FBXL17: variants seen among roughly 807,000 people sequenced by gnomAD.
FBXL17 encodes F-box and leucine rich repeat protein 17.
A neutral mutation model predicts 66.2 loss-of-function variants in FBXL17; 22 were observed. The observed-to-expected ratio is 0.33, with a 90% CI of 0.24 to 0.47. The LOEUF is 0.47. FBXL17 is among the 20% of genes least tolerant of loss of function. The probability of loss-of-function intolerance (pLI) is 1.00; values close to 1 mark genes in which losing one functional copy is unlikely to be tolerated. For missense variants in FBXL17, 878 were observed against 948.2 expected, an observed-to-expected ratio of 0.93 and a Z score of 0.97; for synonymous variants, 474 against 400.5, an observed-to-expected ratio of 1.18 and a Z score of -2.19.
At chr5:107,996,464 G>A (rs6596766) in intron 7 of FBXL17, among the ~76,000 whole-genome samples, 45,263 of 151,830 alleles carry the variant, frequency 0.3, 9,700 homozygotes, top group African/African-American at 0.6. Context: ...ACAGGTGTGC[G>A]CCACCATGTC....
At chr5:108,259,524 T>G (rs537218821) in intron 4 of FBXL17, among the ~76,000 whole-genome samples, 1 of 152,260 alleles carries the variant, frequency 6.6e-6, no homozygotes, top group East Asian at 1.9e-4. Flanking sequence ...ACTTAACCTC[T>G]CTTAGCCTTT....
At chr5:108,009,796 C>T (rs1013570125) in intron 7 of FBXL17, among the ~76,000 whole-genome samples, 1 of 152,050 alleles carries the variant, frequency 6.6e-6, no homozygotes, top group Admixed American at 6.6e-5. Flanking sequence ...TAATATCTAT[C>T]CTACAGTGAA....
chr5:107,923,189 C>G (rs1010699818), intron 7 of FBXL17, among the ~76,000 whole-genome samples: 7 of 152,188 alleles, frequency 4.6e-5, no homozygotes, highest in African/African-American at 1.7e-4. Flanking sequence ...TGAAATAGTA[C>G]TGGGCCATGG....
intron 6 of FBXL17, among the ~76,000 whole-genome samples, chr5:108,057,926 C>G (rs937534181): frequency 5.3e-5 from 8 of 152,134 alleles, no homozygotes; most frequent in Admixed American, 3.3e-4. Context: ...TAAAAAACAC[C>G]ACGTGAGGTG....
rs1473837339 is a variant in FBXL17, at chr5:108,381,761, G to A, written c.-70C>T. ...CCCAGAGAGGCGGGCTCCCGGCAGC[G>A]GGGCAGGCCGCTCGCTGGCTCGGCC... On this transcript the variant is annotated 5_prime_UTR_variant, in exon 1 of 9. Coordinates refer to ENST00000542267, the MANE Select transcript of FBXL17 (RefSeq NM_001163315.3). 2 of 1,370,800 alleles carry A rather than the reference G, an allele frequency of 1.5e-6. No homozygotes were observed. Among genetic ancestry groups the A allele is most frequent in the African/African-American group, 3.1e-5 (2 of 65,190 alleles). 84.9% of individuals were successfully genotyped at this position (1,370,800 alleles called of 1,614,324 possible). A position where few individuals can be genotyped will look rare whatever the true frequency, so the allele number is the denominator to read the frequency against.
At chr5:108,347,452 T>C (rs956923953) in intron 4 of FBXL17, among the ~76,000 whole-genome samples, 9 of 152,202 alleles carry the variant, frequency 5.9e-5, no homozygotes, top group African/African-American at 1.7e-4. Context: ...TTTTAACTGA[T>C]ATGATGTACC....
rs542890915 is a variant in FBXL17 at position 108,035,755 on chromosome 5, T to C, written c.1746-14754A>G. 4.6e-5 allele frequency among the ~76,000 whole-genome samples: 7 copies of C among 152,242 alleles called. No individual in the cohort carries two copies. In the South Asian group the frequency reaches 1.5e-3, roughly 32 times the overall value. Reference sequence around the variant, plus strand: ...ATTTATTATTGAGCCTTGTTTCCAATGCCCATGCCCAGCCACCTTAAGTCT... The same window carrying C: ...ATTTATTATTGAGCCTTGTTTCCAACGCCCATGCCCAGCCACCTTAAGTCT... On this transcript the variant is annotated intron_variant, in intron 6 of 8. Coordinates refer to ENST00000542267, the MANE Select transcript of FBXL17 (RefSeq NM_001163315.3).
At chr5:108,310,630 A>G (rs1292965520) in intron 4 of FBXL17, among the ~76,000 whole-genome samples, 1 of 152,178 alleles carries the variant, frequency 6.6e-6, no homozygotes, top group Admixed American at 6.6e-5. Context: ...TATTTTTTAA[A>G]CTGTTTCAAG....
chr5:108,244,537 A>T (rs1402329964), intron 4 of FBXL17, among the ~76,000 whole-genome samples: 1 of 152,190 alleles, frequency 6.6e-6, no homozygotes, highest in Non-Finnish European at 1.5e-5. Context: ...AACAAGGGCT[A>T]CCCACTATTC....
Position 108,381,281 on chromosome 5 carries a change from G to C in FBXL17, c.411C>G (p.Pro137=). 7.0e-7 allele frequency: 1 copy of C among 1,419,422 alleles called. No individual in the cohort carries two copies. The highest frequency in any genetic ancestry group is 9.2e-7 in the Non-Finnish European group (1 of 1,090,980). The allele number at this position is 1,419,422 out of a possible 1,614,324, so 87.9% of individuals were successfully genotyped here. A position where few individuals can be genotyped will look rare whatever the true frequency, so the allele number is the denominator to read the frequency against. Residue 137 remains proline, a synonymous_variant, in exon 1 of 9, where the codon CCC becomes CCG. Coordinates refer to ENST00000542267, the MANE Select transcript of FBXL17 (RefSeq NM_001163315.3). ...GCCCCAACTCTTTGCAGCAGGAGGC[G>C]GGCGACGAAGCCGAGGCGGCAGCGG... ...AAAAAASASS[P]ASCCKELGLA...
At chr5:108,230,692 T>C (rs1755294759) in intron 4 of FBXL17, among the ~76,000 whole-genome samples, 1 of 135,356 alleles carries the variant, frequency 7.4e-6, no homozygotes, top group African/African-American at 2.9e-5. Context: ...TATAACTAAA[T>C]ACCACCTGTT....
intron 4 of FBXL17, among the ~76,000 whole-genome samples, chr5:108,335,486 T>C (rs1760337462): frequency 6.6e-6 from 1 of 152,074 alleles, no homozygotes; most frequent in Admixed American, 6.6e-5. Flanking sequence ...TGTACTAATA[T>C]AGAAGCTCAG....
At chr5:108,009,306 T>TATATATATATAC (rs1561365393) in intron 7 of FBXL17, among the ~76,000 whole-genome samples, 6 of 17,438 alleles carry the variant, frequency 3.4e-4, no homozygotes, top group African/African-American at 1.3e-3. Context: ...TATATACATA[T>TATATATATATAC]ATACATACAC....
chr5:108,091,551 T>C (rs1749188566), intron 6 of FBXL17, among the ~76,000 whole-genome samples: 1 of 152,232 alleles, frequency 6.6e-6, no homozygotes. Flanking sequence ...TGCATGTTTC[T>C]TTTTTATTAT....
chr5:107,955,214 G>T (rs1751622861), intron 7 of FBXL17, among the ~76,000 whole-genome samples: 1 of 151,960 alleles, frequency 6.6e-6, no homozygotes, highest in African/African-American at 2.4e-5. Flanking sequence ...TTAACTAGGA[G>T]TAAGTACTAG....
At chr5:107,907,452 T>C (rs2112541480) in intron 7 of FBXL17, among the ~76,000 whole-genome samples, 1 of 152,030 alleles carries the variant, frequency 6.6e-6, no homozygotes, top group East Asian at 1.9e-4. Flanking sequence ...GTAGTATCTC[T>C]CCAAAATGAA....
chr5:107,945,534 C>T lies in FBXL17; in HGVS notation c.1823-64355G>A, dbSNP rs993915261. Among the ~76,000 whole-genome samples the T allele has an allele frequency of 6.6e-5, 10 of 151,894 alleles. No homozygotes were observed. The East Asian group carries it at 9.6e-4, about 15-fold the overall frequency. ...TAATGGTATAACATATAAGAGCAAA[C>T]GTGAAATAATTAGGACCACATATAA... On this transcript the variant is annotated intron_variant, in intron 7 of 8. Coordinates refer to ENST00000542267, the MANE Select transcript of FBXL17 (RefSeq NM_001163315.3).
intron 7 of FBXL17, among the ~76,000 whole-genome samples, chr5:108,009,998 T>C (rs1332773728): frequency 6.6e-6 from 1 of 152,170 alleles, no homozygotes; most frequent in Non-Finnish European, 1.5e-5. Flanking sequence ...AGCAGGTCAT[T>C]CACTGACAGA....
intron 4 of FBXL17, among the ~76,000 whole-genome samples, chr5:108,301,138 C>T (rs1019106069): frequency 6.6e-6 from 1 of 151,564 alleles, no homozygotes; most frequent in Non-Finnish European, 1.5e-5. Flanking sequence ...TGAAAATGTA[C>T]AAAAACACTC....
Sources: allele counts gnomAD v4.1 joint callset (sites outside exome capture counted in the v4.1 genomes callset), GRCh38; gene constraint gnomAD v4.1.1; transcripts MANE v1.5; gene names NCBI Gene and HGNC (gene_info 2026-07-23, HGNC 2026-07-21).